FBP1: variants seen among roughly 807,000 people sequenced by gnomAD.
FBP1 encodes fructose-bisphosphatase 1, also known as fructose-1,6-bisphosphatase 1.
A neutral mutation model predicts 29.9 loss-of-function variants in FBP1; 22 were observed. The observed-to-expected ratio is 0.74, with a 90% CI of 0.53 to 1.05. The LOEUF (loss-of-function observed/expected upper bound fraction) is 1.05. Among genes scored for constraint, FBP1 ranks in the 50% least tolerant of loss-of-function variants. FBP1 has a pLI of 0.00. For synonymous variants in FBP1, 175 were observed against 178.6 expected (o/e 0.98, Z 0.16); for missense variants, 345 against 448.2 (o/e 0.77, Z 2.08).
At chr9:94,636,500 G>A (rs993239930) in intron 1 of FBP1, among the ~76,000 whole-genome samples, 7 of 151,520 alleles carry the variant, frequency 4.6e-5, no homozygotes, top group African/African-American at 1.5e-4. Context: ...TAAATAAAAC[G>A]CATACCTTAC....
intron 4 of FBP1, among the ~76,000 whole-genome samples, chr9:94,607,981 C>T (rs530526998): frequency 7.9e-5 from 12 of 152,016 alleles, no homozygotes; most frequent in Non-Finnish European, 1.2e-4. Context: ...ACAAGTATAC[C>T]GGAATATTCT....
At chr9:94,622,699 T>C (rs535147838) in intron 1 of FBP1, among the ~76,000 whole-genome samples, 3 of 152,302 alleles carry the variant, frequency 2.0e-5, no homozygotes, top group African/African-American at 7.2e-5. Flanking sequence ...TTTTCACCCA[T>C]CACTCCTATT....
chr9:94,623,675 T>C (rs1478634746), intron 1 of FBP1, among the ~76,000 whole-genome samples: 1 of 152,162 alleles, frequency 6.6e-6, no homozygotes, highest in Non-Finnish European at 1.5e-5. Context: ...ACTCAGGCCA[T>C]GTGGTCTCTT....
chr9:94,609,415 T>C (rs1827749866), intron 4 of FBP1, among the ~76,000 whole-genome samples: 1 of 152,186 alleles, frequency 6.6e-6, no homozygotes, highest in Non-Finnish European at 1.5e-5. Context: ...CCCCATCAGG[T>C]CCATAAATGC....
At chr9:94,611,819 C>T (rs185680995) in intron 3 of FBP1, among the ~76,000 whole-genome samples, 17 of 152,278 alleles carry the variant, frequency 1.1e-4, no homozygotes, top group South Asian at 6.2e-4. Context: ...CTTTCCATGG[C>T]GGGGCCTGAG....
In FBP1 at chr9:94,603,175, C is replaced by A; in HGVS notation, c.*206G>T. 1 of 597,336 alleles carries A rather than the reference C, an allele frequency of 1.7e-6. No homozygotes were observed. 37.0% of individuals were successfully genotyped at this position (597,336 alleles called of 1,614,324 possible). A position where few individuals can be genotyped will look rare whatever the true frequency, so the allele number is the denominator to read the frequency against. ...TAAGTTTATTTCTCCTCCATCCACT[C>A]AAAATATATCTTAACACCAGTGGCA... On this transcript the variant is annotated 3_prime_UTR_variant, in exon 7 of 7. Coordinates refer to ENST00000375326, the MANE Select transcript of FBP1 (RefSeq NM_000507.4).
chr9:94,633,759 C>T (rs1159868468), intron 1 of FBP1, among the ~76,000 whole-genome samples: 1 of 151,810 alleles, frequency 6.6e-6, no homozygotes, highest in Non-Finnish European at 1.5e-5. Context: ...GGCTGGAGTG[C>T]AGTGGCGCGA....
chr9:94,624,042 T>G (rs1161407241), intron 1 of FBP1, among the ~76,000 whole-genome samples: 1 of 151,982 alleles, frequency 6.6e-6, no homozygotes, highest in African/African-American at 2.4e-5. Context: ...TTCGTAAGAA[T>G]GGGAGGAAAT....
At chr9:94,629,504 G>A (rs977635523) in intron 1 of FBP1, among the ~76,000 whole-genome samples, 2 of 152,152 alleles carry the variant, frequency 1.3e-5, no homozygotes, top group African/African-American at 2.4e-5. Flanking sequence ...TGGTAAGACG[G>A]ATAATTAAAG....
At chr9:94,607,725 C>T (rs1202114275) in intron 4 of FBP1, among the ~76,000 whole-genome samples, 1 of 152,124 alleles carries the variant, frequency 6.6e-6, no homozygotes, top group African/African-American at 2.4e-5. Flanking sequence ...GATCGAGGCT[C>T]TGCCCATTTA....
chr9:94,621,162 C>G (rs1376773528), intron 1 of FBP1, among the ~76,000 whole-genome samples: 1 of 140,464 alleles, frequency 7.1e-6, no homozygotes, highest in Non-Finnish European at 1.5e-5. Flanking sequence ...TGCAGTGAGC[C>G]GAGATCGTGC....
At chr9:94,628,628 G>A (rs1828059854) in intron 1 of FBP1, among the ~76,000 whole-genome samples, 1 of 152,100 alleles carries the variant, frequency 6.6e-6, no homozygotes, top group East Asian at 1.9e-4. Flanking sequence ...GAGGCCAAAC[G>A]GGCTGCATAG....
At chr9:94,621,398 A>AAAAAAATATATAT (rs58726402) in intron 1 of FBP1, among the ~76,000 whole-genome samples, 2 of 146,238 alleles carry the variant, frequency 1.4e-5, no homozygotes, top group African/African-American at 5.3e-5. Context: ...TCCGTCTAAA[A>AAAAAAATATATAT]ATATATATAT....
intron 1 of FBP1, among the ~76,000 whole-genome samples, chr9:94,626,284 G>A (rs575943794): frequency 2.0e-5 from 3 of 152,152 alleles, no homozygotes; most frequent in South Asian, 2.1e-4. Context: ...TAATCCTGGC[G>A]TTAGGAAAAG....
intron 2 of FBP1, among the ~76,000 whole-genome samples, chr9:94,619,874 C>CAAAAAA (rs56722632): frequency 7.0e-4 from 69 of 99,146 alleles, no homozygotes; most frequent in African/African-American, 2.4e-3. Context: ...AACACTGTCT[C>CAAAAAA]AAAAAAAAAA....
At chr9:94,609,716 A>G (rs1461782801) in intron 4 of FBP1, among the ~76,000 whole-genome samples, 1 of 152,158 alleles carries the variant, frequency 6.6e-6, no homozygotes, top group Admixed American at 6.5e-5. Context: ...TGCCAGTCTG[A>G]GATGGCATTT....
chr9:94,636,935 C>T (rs1303323862), intron 1 of FBP1, among the ~76,000 whole-genome samples: 2 of 152,062 alleles, frequency 1.3e-5, no homozygotes, highest in East Asian at 1.9e-4. Flanking sequence ...AGTGATCTAC[C>T]CGTCTCAGCC....
In FBP1 at chr9:94,607,417, G is replaced by A. The variant is rs192018876; in HGVS notation, c.568-465C>T. Among the ~76,000 whole-genome samples, 5 of 152,304 alleles carry A rather than the reference G, an allele frequency of 3.3e-5. No individual in the cohort carries two copies. The East Asian group carries it at 7.7e-4, about 23-fold the overall frequency. ...CCTGAGTTACACCCAAGTGCTCAGC[G>A]CTGTTCTCGGCTTTACATTTCTACC... is the stretch of plus-strand genomic sequence containing the variant. On this transcript the variant is annotated intron_variant, in intron 4 of 6. Coordinates refer to ENST00000375326, the MANE Select transcript of FBP1 (RefSeq NM_000507.4).
rs796965897 is a variant in FBP1 at position 94,639,414 on chromosome 9, G to C, written c.-104C>G. 36 of 1,348,616 alleles carry C rather than the reference G, an allele frequency of 2.7e-5. No homozygotes were observed. In the African/African-American group the frequency reaches 4.8e-4, roughly 18 times the overall value. The allele number at this position is 1,348,616 out of a possible 1,614,324, so 83.5% of individuals were successfully genotyped here. A position where few individuals can be genotyped will look rare whatever the true frequency, so the allele number is the denominator to read the frequency against. ...AGTAGGCACTGGCCGCAGGTGCGGA[G>C]CTGCAGGTGCGGGCGGCAGGTGCGG... is the stretch of plus-strand genomic sequence containing the variant. On this transcript the variant is annotated 5_prime_UTR_variant, in exon 1 of 7. Transcript: ENST00000375326.
Sources: gnomAD v4.1 joint callset for allele counts (sites outside exome capture counted in the v4.1 genomes callset) on GRCh38, gnomAD v4.1.1 for gene constraint, MANE v1.5 for transcripts, NCBI Gene and HGNC (gene_info 2026-07-23, HGNC 2026-07-21) for gene names.